The following ZNF776 variants were observed in gnomAD, a reference collection of about 807,000 sequenced individuals.
The protein encoded by ZNF776 is zinc finger protein 776.
A neutral mutation model predicts 7.0 loss-of-function variants in ZNF776; 4 were observed. The ratio of observed to expected loss-of-function variants is 0.57; its 90% CI spans 0.28 to 1.31. ZNF776 has a LOEUF of 1.31. Ranked by LOEUF, ZNF776 falls within the 50% of genes most tolerant of loss-of-function variation. The pLI is 0.10. For synonymous variants in ZNF776, 212 were observed against 213.7 expected (o/e 0.99, Z 0.07); for missense variants, 555 against 625.9 (o/e 0.89, Z 1.21).
chr19:57,753,370 T>C lies in ZNF776; in HGVS notation c.240T>C (p.His80=), dbSNP rs745927043. Residue 80 remains histidine (H), a synonymous_variant, in exon 3 of 3, where the codon CAT becomes CAC. Transcript: ENST00000317178. ...AACAGGAGTCCCCACTCAGGACACA[T>C]TGGACAGGTGTATGTACCAAGAAGG... is the stretch of plus-strand genomic sequence containing the variant. The part of the protein sequence containing the change: ...SIQQESPLRT[H]WTGVCTKKVH... 3 of 1,614,182 alleles carry C rather than the reference T, an allele frequency of 1.9e-6. No homozygotes were observed. The East Asian group carries it at 6.7e-5, about 36-fold the overall frequency.
At chr19:57,753,114 A>G (rs1470614557) in intron 2 of ZNF776, among the ~76,000 whole-genome samples, 177 bp from the exon 3 acceptor site, 2 of 152,228 alleles carry the variant, frequency 1.3e-5, no homozygotes, top group Non-Finnish European at 2.9e-5. Context: ...AGCAGAGGCA[A>G]TTCCTTCCTG....
chr19:57,749,540 A>G (rs1240567857), intron 1 of ZNF776, among the ~76,000 whole-genome samples: 4 of 152,224 alleles, frequency 2.6e-5, no homozygotes, highest in Non-Finnish European at 5.9e-5. Flanking sequence ...ATTGTGGTAT[A>G]AAGCCAAAAA....
At chr19:57,749,161 G>A (rs1986530659) in intron 1 of ZNF776, 1 of 152,046 alleles carries the variant, frequency 6.6e-6, no homozygotes, top group African/African-American at 2.4e-5. Flanking sequence ...TAGTAGAGAT[G>A]TGATTTCACC....
rs907375508 is a variant in ZNF776, at chr19:57,753,151, A to G, written c.161-140A>G. On this transcript the variant is annotated intron_variant, in intron 2 of 2. Transcript: ENST00000317178. ...GCAAACATCTAAAGGACCTTCATAA[A>G]GCATGTGGGTGCTATATAAAAGGAT... 4.0e-6 allele frequency: 3 copies of G among 758,124 alleles called. No individual in the cohort carries two copies. The African/African-American group carries it at 5.2e-5, about 13-fold the overall frequency. The allele number at this position is 758,124 out of a possible 1,614,324, so 47.0% of individuals were successfully genotyped here. A position where few individuals can be genotyped will look rare whatever the true frequency, so the allele number is the denominator to read the frequency against.
rs901743500 is a variant in ZNF776, at chr19:57,754,935, G to A, written c.*248G>A. ...CACTGGAGAAAGACCCTATAGTTAT[G>A]GGGAATTTGGGAAATTACCTAACAA... On this transcript the variant is annotated 3_prime_UTR_variant, in exon 3 of 3. Coordinates refer to ENST00000317178, the MANE Select transcript of ZNF776 (RefSeq NM_173632.4). 6.5e-5 allele frequency: 31 copies of A among 477,546 alleles called. No homozygotes were observed. Among genetic ancestry groups the A allele is most frequent in the African/African-American group, 5.5e-4 (28 of 51,240 alleles). The allele number at this position is 477,546 out of a possible 1,614,324, so 29.6% of individuals were successfully genotyped here. A position where few individuals can be genotyped will look rare whatever the true frequency, so the allele number is the denominator to read the frequency against.
At position 57,753,691 on chromosome 19, in the gene ZNF776, T is replaced by G. The variant is rs758612939; in HGVS notation, c.561T>G (p.Thr187=). The G allele has an allele frequency of 6.2e-7, 1 of 1,614,212 alleles. No individual in the cohort carries two copies. Among genetic ancestry groups the G allele is most frequent in the East Asian group, 2.2e-5 (1 of 44,884 alleles). ...LRLLQQEDIH[T]SGKSNFETKH... The stretch of plus-strand genomic sequence containing the variant: ...TACTCCAACAAGAGGACATTCACAC[T>G]TCAGGGAAGTCAAACTTTGAAACTA... Residue 187 remains threonine, a synonymous_variant, in exon 3 of 3, where the codon ACT becomes ACG. Coordinates refer to ENST00000317178, the MANE Select transcript of ZNF776 (RefSeq NM_173632.4).
chr19:57,753,352 G>C lies in ZNF776; in HGVS notation c.222G>C (p.Glu74Asp). The C allele has an allele frequency of 6.2e-7, 1 of 1,614,176 alleles. No homozygotes were observed. Among genetic ancestry groups the C allele is most frequent in the East Asian group, 2.2e-5 (1 of 44,874 alleles). ...PSKQTLSIQQ[E>D]SPLRTHWTGV... ...AGCAGACCCTTTCTATACAACAGGA[G>C]TCCCCACTCAGGACACATTGGACAG... The change falls in exon 3 of 3, where the codon GAG (glutamate) becomes GAC (aspartate). Residue 74 changes from glutamate (E) to aspartate (D), a missense_variant. By Grantham distance (45) the Glu-to-Asp change is conservative. Transcript: ENST00000317178.
rs751522645 is a variant in ZNF776 at position 57,750,804 on chromosome 19, A to C, written c.53A>C (p.Asp18Ala). The C allele has an allele frequency of 6.2e-7, 1 of 1,612,618 alleles. No homozygotes were observed. Among genetic ancestry groups the C allele is most frequent in the Admixed American group, 1.7e-5 (1 of 59,934 alleles). The change falls in exon 2 of 3, where the codon GAT becomes GCT. Residue 18 changes from aspartate to alanine, a missense_variant. Asp to Ala is a moderately radical substitution (Grantham distance 126). Transcript: ENST00000317178. ...CGGCAGGGCACTGTGACCTTTGAAG[A>C]TGTGGCTGTGAACTTTTCCCAGGAG... ...PPAQGTVTFE[D>A]VAVNFSQEEW...
rs1283808979 is a variant in ZNF776, at chr19:57,756,164, G to A, written c.*1477G>A. The A allele has an allele frequency of 6.6e-6, 1 of 152,216 alleles. No homozygotes were observed. Among genetic ancestry groups the A allele is most frequent in the Non-Finnish European group, 1.5e-5 (1 of 68,042 alleles). 9.4% of individuals were successfully genotyped at this position (152,216 alleles called of 1,614,324 possible). On this transcript the variant is annotated 3_prime_UTR_variant, in exon 3 of 3. Transcript: ENST00000317178. Reference sequence around the variant, plus strand: ...CTGAGATACATGCGGCCCACAAGCTGCGGGTTGGACCAGCTTGGCCTAGAG... The same window carrying A: ...CTGAGATACATGCGGCCCACAAGCTACGGGTTGGACCAGCTTGGCCTAGAG...
chr19:57,746,968 A>T lies in ZNF776; in HGVS notation c.-91A>T. ...CAGCTCCTTAAAGGCGCTAGGCGTG[A>T]CCCGCACCAAGGCCGGGATCGGGAC... is the stretch of plus-strand genomic sequence containing the variant. On this transcript the variant is annotated 5_prime_UTR_variant, in exon 1 of 3. Coordinates refer to ENST00000317178, the MANE Select transcript of ZNF776 (RefSeq NM_173632.4). The T allele has an allele frequency of 7.4e-7, 1 of 1,350,092 alleles. No homozygotes were observed. The highest frequency in any genetic ancestry group is 2.4e-5 in the Admixed American group (1 of 41,700). The allele number at this position is 1,350,092 out of a possible 1,614,324, so 83.6% of individuals were successfully genotyped here.
rs778057426 is a variant in ZNF776, at chr19:57,750,870, A to G, written c.119A>G (p.His40Arg). 52 of 1,612,954 alleles carry G rather than the reference A, an allele frequency of 3.2e-5. No homozygotes were observed. Among genetic ancestry groups the G allele is most frequent in the Non-Finnish European group, 4.2e-5 (50 of 1,179,376 alleles). ...AGTGAGGCTCAGAGATGCCTTTATCATGACGTGATGCTGGAGAACCTGACA... is the reference window on the plus strand; with the variant it reads ...AGTGAGGCTCAGAGATGCCTTTATCGTGACGTGATGCTGGAGAACCTGACA... ...LLSEAQRCLY[H>R]DVMLENLTLI... is the part of the protein sequence containing the mutation. The change falls in exon 2 of 3, where the codon CAT (histidine) becomes CGT (arginine). Residue 40 changes from histidine to arginine, a missense_variant. His to Arg is a conservative substitution (Grantham distance 29). Coordinates refer to ENST00000317178, the MANE Select transcript of ZNF776 (RefSeq NM_173632.4).
rs1986665801 is a variant in ZNF776, at chr19:57,753,411, T to G, written c.281T>G (p.Met94Arg). The G allele has an allele frequency of 1.2e-6, 2 of 1,614,184 alleles. No homozygotes were observed. Among genetic ancestry groups the G allele is most frequent in the South Asian group, 2.2e-5 (2 of 91,082 alleles). Residue 94 changes from methionine (M) to arginine (R), a missense_variant, in exon 3 of 3, where the codon ATG becomes AGG. Transcript: ENST00000317178. The part of the protein sequence containing the change: ...VCTKKVHLWG[M>R]CGPLLGDILH... ...ACCAAGAAGGTCCACCTCTGGGGAA[T>G]GTGTGGCCCTCTCCTGGGAGATATC...
In ZNF776 at chr19:57,750,874, C is replaced by T. The variant is rs1463346960; in HGVS notation, c.123C>T (p.Asp41=). 6 of 1,612,758 alleles carry T rather than the reference C, an allele frequency of 3.7e-6. No homozygotes were observed. The highest frequency in any genetic ancestry group is 1.7e-5 in the Admixed American group (1 of 59,896). Residue 41 remains aspartate, a synonymous_variant, in exon 2 of 3, where the codon GAC becomes GAT. Coordinates refer to ENST00000317178, the MANE Select transcript of ZNF776 (RefSeq NM_173632.4). ...AGGCTCAGAGATGCCTTTATCATGA[C>T]GTGATGCTGGAGAACCTGACACTTA... The part of the protein sequence containing the change: ...LSEAQRCLYH[D]VMLENLTLIS...
Position 57,754,558 on chromosome 19 carries a change from T to C in ZNF776, c.1428T>C (p.Ile476=), listed in dbSNP as rs1986716414. ...GTTTTCATCAAAAGGGCAGTCTCATTCGACATCAGCAGATTCACTCTGGAG... is the reference window on the plus strand; with the variant it reads ...GTTTTCATCAAAAGGGCAGTCTCATCCGACATCAGCAGATTCACTCTGGAG... ...GKCFHQKGSL[I]RHQQIHSGER... The change falls in exon 3 of 3, where the codon ATT becomes ATC. Residue 476 remains isoleucine, a synonymous_variant. Transcript: ENST00000317178. 1 of 1,614,064 alleles carries C rather than the reference T, an allele frequency of 6.2e-7. No homozygotes were observed. Among genetic ancestry groups the C allele is most frequent in the Non-Finnish European group, 8.5e-7 (1 of 1,180,034 alleles).
At chr19:57,749,805 C>T (rs1332628322) in intron 1 of ZNF776, among the ~76,000 whole-genome samples, 1 of 152,200 alleles carries the variant, frequency 6.6e-6, no homozygotes, top group Non-Finnish European at 1.5e-5. Flanking sequence ...TCATCACACC[C>T]TCTTCATTTT....
At chr19:57,751,868 G>GTTTGTTT (rs1986614254) in intron 2 of ZNF776, among the ~76,000 whole-genome samples, 1 of 67,506 alleles carries the variant, frequency 1.5e-5, no homozygotes, top group Non-Finnish European at 2.7e-5. Flanking sequence ...TTTTGGTTTT[G>GTTTGTTT]TTTTTTTTTT....
At chr19:57,749,824 G>A (rs575812604) in intron 1 of ZNF776, among the ~76,000 whole-genome samples, 2 of 152,300 alleles carry the variant, frequency 1.3e-5, no homozygotes, top group South Asian at 2.1e-4. Flanking sequence ...TTAAAAGCTT[G>A]CATATCATAG....
Position 57,754,252 on chromosome 19 carries a change from A to T in ZNF776, c.1122A>T (p.Arg374Ser). The T allele has an allele frequency of 6.2e-7, 1 of 1,613,854 alleles. No individual in the cohort carries two copies. Among genetic ancestry groups the T allele is most frequent in the Non-Finnish European group, 8.5e-7 (1 of 1,179,948 alleles). ...ATCAGCGAGTTCACACTGGAGAAAG[A>T]CCTTTTGAGTGTACGGCATGTGGGA... ...IQHQRVHTGE[R>S]PFECTACGKL... Residue 374 changes from arginine to serine, a missense_variant, in exon 3 of 3, where the codon AGA becomes AGT. Transcript: ENST00000317178.
At chr19:57,750,351 G>C (rs972497273) in intron 1 of ZNF776, among the ~76,000 whole-genome samples, 1 of 150,754 alleles carries the variant, frequency 6.6e-6, no homozygotes, top group African/African-American at 2.4e-5. Flanking sequence ...AGAATTACTC[G>C]AGCCCAGTAG....
Sources: allele counts gnomAD v4.1 joint callset (sites outside exome capture counted in the v4.1 genomes callset), GRCh38; gene constraint gnomAD v4.1.1; transcripts MANE v1.5; gene names NCBI Gene and HGNC (gene_info 2026-07-23, HGNC 2026-07-21).